The following TTI1 variants were observed in gnomAD, a reference collection of about 807,000 sequenced individuals.
TTI1 encodes the protein TELO2 interacting protein 1, also known as TELO2-interacting protein 1 homolog.
TTI1 carries 52 observed loss-of-function variants against 85.4 expected under a neutral mutation model. The ratio of observed to expected loss-of-function variants is 0.61; its 90% confidence interval spans 0.49 to 0.77. The LOEUF (loss-of-function observed/expected upper bound fraction) is 0.77. TTI1 is among the 30% of genes least tolerant of loss of function. The pLI is 0.00. For synonymous variants in TTI1, 512 were observed against 503.9 expected (o/e 1.02, Z -0.22); for missense variants, 1,173 against 1,296.0 (o/e 0.91, Z 1.46).
chr20:38,029,596 A>G (rs1399434223), intron 1 of TTI1, among the ~76,000 whole-genome samples: 1 of 152,024 alleles, frequency 6.6e-6, no homozygotes, highest in African/African-American at 2.4e-5. Context: ...GAGAGGAGAG[A>G]GAAGAGACGA....
chr20:38,002,715 T>G lies in TTI1; in HGVS notation c.2565A>C (p.Pro855=), dbSNP rs748032364. ...TGGCTATTTGGATCTGCAATGGCAG[T>G]GGTGGCTCCACATCTGGACGGGTGT... ...ENDTRPDVEP[P]LPLQIQIAMD... is the part of the protein sequence containing the mutation. Residue 855 remains proline, a synonymous_variant, in exon 4 of 8, where the codon CCA becomes CCC. Transcript: ENST00000373447. 7.4e-6 allele frequency: 12 copies of G among 1,614,108 alleles called. No individual in the cohort carries two copies. In the African/African-American group the frequency reaches 1.5e-4, roughly 20 times the overall value.
intron 7 of TTI1, among the ~76,000 whole-genome samples, chr20:37,992,572 C>G (rs558524154): frequency 1.3e-5 from 2 of 152,168 alleles, no homozygotes; most frequent in Admixed American, 6.5e-5. Flanking sequence ...CCACAGCACA[C>G]GGCCTGACTT....
chr20:38,020,047 C>A (rs927838817), intron 1 of TTI1, among the ~76,000 whole-genome samples: 23 of 151,584 alleles, frequency 1.5e-4, no homozygotes, highest in African/African-American at 5.6e-4. Context: ...GCAAAGGACC[C>A]AAAATAGAAA....
At chr20:37,994,207 C>T (rs1367743843) in intron 7 of TTI1, among the ~76,000 whole-genome samples, 2 of 152,168 alleles carry the variant, frequency 1.3e-5, no homozygotes, top group East Asian at 3.9e-4. Flanking sequence ...GGTCTTGGCT[C>T]ACTGCAACAT....
At chr20:38,002,414 T>G (rs2073438361) in intron 4 of TTI1, among the ~76,000 whole-genome samples, 1 of 152,230 alleles carries the variant, frequency 6.6e-6, no homozygotes. Flanking sequence ...TGGTTTTTAA[T>G]GCAGGAGACT....
intron 7 of TTI1, chr20:37,987,526 G>A (rs1335432257): frequency 2.7e-6 from 1 of 370,786 alleles, no homozygotes; most frequent in Admixed American, 3.5e-5. Flanking sequence ...GCCCAAATCA[G>A]TGGCTCCAGA....
intron 7 of TTI1, among the ~76,000 whole-genome samples, chr20:37,984,275 C>T (rs2073161573): frequency 6.6e-6 from 1 of 152,188 alleles, no homozygotes; most frequent in Non-Finnish European, 1.5e-5. Flanking sequence ...TTCCTTTATT[C>T]TCCTGGGGCA....
At chr20:38,007,601 C>G (rs1250233191) in intron 2 of TTI1, among the ~76,000 whole-genome samples, 2 of 152,208 alleles carry the variant, frequency 1.3e-5, no homozygotes, top group Non-Finnish European at 2.9e-5. Context: ...AAAACAACAA[C>G]AACAACAAAT....
chr20:38,009,984 G>A (rs6068490), intron 2 of TTI1, among the ~76,000 whole-genome samples: 27,979 of 152,088 alleles, frequency 0.18, 2,615 homozygotes, highest in South Asian at 0.27. Flanking sequence ...AGAATCTGCC[G>A]TGAGCTTGTC....
chr20:37,989,870 T>C (rs1002888731), intron 7 of TTI1, among the ~76,000 whole-genome samples: 7 of 152,240 alleles, frequency 4.6e-5, no homozygotes, highest in African/African-American at 1.7e-4. Context: ...CTCTAGGAAA[T>C]GTCCTTCTGT....
intron 1 of TTI1, among the ~76,000 whole-genome samples, chr20:38,026,184 G>C (rs2073834468): frequency 6.6e-6 from 1 of 151,744 alleles, no homozygotes; most frequent in South Asian, 2.1e-4. Context: ...TTTTGAGACA[G>C]AGTATCATTC....
At chr20:37,985,171 A>C (rs1170444183) in intron 7 of TTI1, among the ~76,000 whole-genome samples, 1 of 152,212 alleles carries the variant, frequency 6.6e-6, no homozygotes, top group Non-Finnish European at 1.5e-5. Context: ...TGGGGGATGT[A>C]CTTCACTCAG....
At chr20:38,005,066 T>G (rs1196659856) in intron 3 of TTI1, among the ~76,000 whole-genome samples, 1 of 152,112 alleles carries the variant, frequency 6.6e-6, no homozygotes, top group Admixed American at 6.6e-5. Context: ...TTTGTTGTAG[T>G]GAGTGGCATC....
intron 1 of TTI1, among the ~76,000 whole-genome samples, chr20:38,015,279 A>G (rs959762920): frequency 6.6e-6 from 1 of 152,096 alleles, no homozygotes; most frequent in East Asian, 1.9e-4. Flanking sequence ...GAGGAAGGGC[A>G]CTGTTCGTCA....
chr20:38,012,831 G>A lies in TTI1; in HGVS notation c.986C>T (p.Ala329Val), dbSNP rs1380247653. The A allele has an allele frequency of 1.2e-6, 2 of 1,614,020 alleles. No individual in the cohort carries two copies. The highest frequency in any genetic ancestry group is 3.3e-5 in the Admixed American group (2 of 60,006). The change falls in exon 2 of 8, where the codon GCT becomes GTT. Residue 329 changes from alanine to valine, a missense_variant. Ala to Val is a moderately conservative substitution (Grantham distance 64). Coordinates refer to ENST00000373447, the MANE Select transcript of TTI1 (RefSeq NM_001303457.2). ...LKCSQSLVEC[A>V]GPLLKALVGL... is the part of the protein sequence containing the mutation. ...CACTAAGGCCTTCAGAAGGGGACCA[G>A]CACATTCGACCAATGATTGACTGCA... is the stretch of plus-strand genomic sequence containing the variant.
At chr20:38,023,343 T>A (rs1250204290) in intron 1 of TTI1, among the ~76,000 whole-genome samples, 1 of 152,222 alleles carries the variant, frequency 6.6e-6, no homozygotes, top group Non-Finnish European at 1.5e-5. Flanking sequence ...TACAGATTCC[T>A]GGGCTCCACA....
chr20:37,985,700 G>A (rs1022212581), intron 7 of TTI1, among the ~76,000 whole-genome samples: 13 of 152,120 alleles, frequency 8.5e-5, no homozygotes, highest in African/African-American at 3.1e-4. Flanking sequence ...GCTAATTTTT[G>A]TATTTTTAGT....
At chr20:38,010,888 T>C (rs1405272132) in intron 2 of TTI1, among the ~76,000 whole-genome samples, 1 of 152,224 alleles carries the variant, frequency 6.6e-6, no homozygotes. Flanking sequence ...AGGAAGTTTC[T>C]AGACCTGCTC....
intron 1 of TTI1, among the ~76,000 whole-genome samples, chr20:38,015,538 T>C (rs1444421955): frequency 3.3e-5 from 5 of 152,102 alleles, no homozygotes; most frequent in African/African-American, 9.7e-5. Context: ...AGAGAATTGC[T>C]TAATGGGATC....
Sources: gnomAD v4.1 joint callset for allele counts (sites outside exome capture counted in the v4.1 genomes callset) on GRCh38, gnomAD v4.1.1 for gene constraint, MANE v1.5 for transcripts, NCBI Gene and HGNC (gene_info 2026-07-23, HGNC 2026-07-21) for gene names.